ARHGAP24: variants seen among roughly 807,000 people sequenced by gnomAD.
ARHGAP24 encodes rho GTPase-activating protein 24.
In ARHGAP24, 50 loss-of-function variants were observed where a neutral mutation model predicts 76.4. That is an observed-to-expected ratio of 0.65 (90% CI 0.52 to 0.83). The LOEUF (loss-of-function observed/expected upper bound fraction) is 0.83, where lower values mean the gene tolerates loss of function less well. Ranked by LOEUF, ARHGAP24 falls within the 40% of genes least tolerant of loss-of-function variation. ARHGAP24 has a pLI of 0.00. For synonymous variants in ARHGAP24, 345 were observed against 323.3 expected (o/e 1.07, Z -0.72); for missense variants, 930 against 914.2 (o/e 1.02, Z -0.22).
chr4:85,939,620 G>T (rs1410662381), intron 4 of ARHGAP24, among the ~76,000 whole-genome samples: 1 of 152,070 alleles, frequency 6.6e-6, no homozygotes, highest in Non-Finnish European at 1.5e-5. Flanking sequence ...AGGCAAACCT[G>T]CATGTACAAG....
At chr4:85,587,032 C>A (rs1292969153) in intron 2 of ARHGAP24, among the ~76,000 whole-genome samples, 3 of 152,074 alleles carry the variant, frequency 2.0e-5, no homozygotes, top group Admixed American at 2.0e-4. Context: ...AAAGAATAGG[C>A]CACAACCCAA....
intron 1 of ARHGAP24, among the ~76,000 whole-genome samples, chr4:85,513,558 T>TA (rs370838261): frequency 0.094 from 13,809 of 146,334 alleles, 986 homozygotes; most frequent in African/African-American, 0.21. Flanking sequence ...TGCCTTTTTT[T>TA]TAAAAAAAAA....
chr4:85,485,172 C>T (rs570902172), intron 1 of ARHGAP24, among the ~76,000 whole-genome samples: 48 of 149,494 alleles, frequency 3.2e-4, no homozygotes, highest in Middle Eastern at 6.8e-3. Context: ...GGTGAAACCC[C>T]GTCTCTACTA....
At chr4:85,864,465 A>G (rs1292852050) in intron 3 of ARHGAP24, among the ~76,000 whole-genome samples, 4 of 152,096 alleles carry the variant, frequency 2.6e-5, no homozygotes, top group Admixed American at 2.6e-4. Flanking sequence ...ACCATGTAAA[A>G]TTTGGTACAG....
chr4:85,780,035 T>C (rs1034858618), intron 3 of ARHGAP24, among the ~76,000 whole-genome samples: 2 of 152,216 alleles, frequency 1.3e-5, no homozygotes, highest in Non-Finnish European at 2.9e-5. Context: ...AAATGCAATT[T>C]AATGTTCCCT....
At chr4:85,565,674 C>T (rs1171906953) in intron 1 of ARHGAP24, among the ~76,000 whole-genome samples, 1 of 152,134 alleles carries the variant, frequency 6.6e-6, no homozygotes, top group African/African-American at 2.4e-5. Flanking sequence ...GCCCTCTTTC[C>T]TTTTCTCTAG....
intron 3 of ARHGAP24, among the ~76,000 whole-genome samples, chr4:85,742,373 T>G (rs539406832): frequency 6.6e-6 from 1 of 152,334 alleles, no homozygotes; most frequent in Non-Finnish European, 1.5e-5. Flanking sequence ...GAATACTAAT[T>G]AACTCAGCCT....
At position 85,901,741 on chromosome 4, in the gene ARHGAP24, T is replaced by G. The variant is rs1378576667; in HGVS notation, c.269-21907T>G. On this transcript the variant is annotated intron_variant, in intron 3 of 9. Coordinates refer to ENST00000395184, the MANE Select transcript of ARHGAP24 (RefSeq NM_001025616.3). The stretch of plus-strand genomic sequence containing the variant: ...GGTAATTTATTTGCCATACAGAAAG[T>G]AAATATTTATTGTAGCTTTACTAAC... 2.6e-5 allele frequency among the ~76,000 whole-genome samples: 4 copies of G among 152,206 alleles called. No homozygotes were observed. In the East Asian group the frequency reaches 7.7e-4, roughly 29 times the overall value.
chr4:85,639,060 A>G (rs1419275203), intron 2 of ARHGAP24, among the ~76,000 whole-genome samples: 1 of 152,130 alleles, frequency 6.6e-6, no homozygotes, highest in Non-Finnish European at 1.5e-5. Flanking sequence ...AAAGAAATGA[A>G]CATCTCTTTT....
chr4:85,482,277 C>T (rs2110087666), intron 1 of ARHGAP24, among the ~76,000 whole-genome samples: 1 of 152,258 alleles, frequency 6.6e-6, no homozygotes, highest in Non-Finnish European at 1.5e-5. Flanking sequence ...TATATAACAT[C>T]ATATATGTGT....
At chr4:85,608,840 A>G (rs923150406) in intron 2 of ARHGAP24, among the ~76,000 whole-genome samples, 4 of 152,142 alleles carry the variant, frequency 2.6e-5, no homozygotes, top group Non-Finnish European at 4.4e-5. Flanking sequence ...GATTACAGGC[A>G]TAAGCCACCA....
intron 1 of ARHGAP24, among the ~76,000 whole-genome samples, chr4:85,524,796 G>A (rs10020489): frequency 0.26 from 39,443 of 151,930 alleles, 6,681 homozygotes; most frequent in East Asian, 0.79. Flanking sequence ...CTGAATTACT[G>A]TAACTGGTGG....
chr4:85,604,387 A>G (rs938754645), intron 2 of ARHGAP24: 1 of 152,238 alleles, frequency 6.6e-6, no homozygotes, highest in Non-Finnish European at 1.5e-5. Flanking sequence ...AAATCCCTTT[A>G]TTTAATAGTA....
chr4:85,566,043 C>T (rs561162819), intron 1 of ARHGAP24, among the ~76,000 whole-genome samples: 2 of 152,318 alleles, frequency 1.3e-5, no homozygotes, highest in Non-Finnish European at 2.9e-5. Context: ...ATGCTGAGAA[C>T]TGTCTAGCTA....
intron 3 of ARHGAP24, among the ~76,000 whole-genome samples, chr4:85,729,245 A>G (rs1044501963): frequency 2.0e-5 from 3 of 152,204 alleles, no homozygotes; most frequent in African/African-American, 7.2e-5. Flanking sequence ...GTATGAAAAC[A>G]TAATTCTATA....
At chr4:85,982,322 C>G (rs1199578781) in intron 8 of ARHGAP24, among the ~76,000 whole-genome samples, 1 of 151,730 alleles carries the variant, frequency 6.6e-6, no homozygotes, top group Non-Finnish European at 1.5e-5. Flanking sequence ...GTAAATTTCT[C>G]TAGGTACACC....
intron 3 of ARHGAP24, among the ~76,000 whole-genome samples, chr4:85,756,576 T>C (rs551408190): frequency 7.9e-5 from 12 of 152,288 alleles, no homozygotes; most frequent in Non-Finnish European, 1.6e-4. Flanking sequence ...GCTAAGCAAG[T>C]TCATCTCTGT....
chr4:85,526,533 A>G (rs903648463), intron 1 of ARHGAP24, among the ~76,000 whole-genome samples: 4 of 152,112 alleles, frequency 2.6e-5, no homozygotes, highest in Non-Finnish European at 5.9e-5. Context: ...TATGGGGCCT[A>G]TCTCAAAGCC....
At position 85,630,867 on chromosome 4, in the gene ARHGAP24, G is replaced by C. The variant is rs1160981943; in HGVS notation, c.180+60146G>C. ...TAAAGAATGTTAGCCCTTACTTGTTGATTTATAGGAGCTTTTGATGTATTA... is the reference window on the plus strand; with the variant it reads ...TAAAGAATGTTAGCCCTTACTTGTTCATTTATAGGAGCTTTTGATGTATTA... On this transcript the variant is annotated intron_variant, in intron 2 of 9. Coordinates refer to ENST00000395184, the MANE Select transcript of ARHGAP24 (RefSeq NM_001025616.3). Among the ~76,000 whole-genome samples the C allele has an allele frequency of 3.9e-5, 6 of 152,050 alleles. No individual in the cohort carries two copies. The South Asian group carries it at 1.3e-3, about 32-fold the overall frequency.
Sources: allele counts gnomAD v4.1 joint callset (sites outside exome capture counted in the v4.1 genomes callset), GRCh38; gene constraint gnomAD v4.1.1; transcripts MANE v1.5; gene names NCBI Gene and HGNC (gene_info 2026-07-23, HGNC 2026-07-21).